The following COMP variants were observed in gnomAD, a reference collection of about 807,000 sequenced individuals.
The protein encoded by COMP is cartilage oligomeric matrix protein (pseudoachondroplasia, epiphyseal dysplasia 1, multiple).
COMP carries 79 observed loss-of-function variants against 95.8 expected under a neutral mutation model. That is an observed-to-expected ratio of 0.82 (90% CI 0.69 to 0.99). The LOEUF (loss-of-function observed/expected upper bound fraction) is 0.99. COMP is among the 50% of genes least tolerant of loss of function. COMP has a pLI of 0.00. For synonymous variants in COMP, 438 were observed against 433.9 expected, an observed-to-expected ratio of 1.01 and a Z score of -0.12; for missense variants, 906 against 1,076.1, an observed-to-expected ratio of 0.84 and a Z score of 2.21.
In COMP at chr19:18,789,092, T is replaced by A. The variant is rs540947791; in HGVS notation, c.528+68A>T. The A allele has an allele frequency of 3.2e-6, 5 of 1,561,732 alleles. No homozygotes were observed. The East Asian group carries it at 1.1e-4, about 36-fold the overall frequency. On this transcript the variant is annotated intron_variant, in intron 5 of 18. Transcript: ENST00000222271. This position sits in a 1 kb window ranked among gnomAD's most constrained non-coding sequence, Gnocchi z 6.1. ...CGCTGGAAGGAGGCTGGAAGAGGAG[T>A]TTACTGGTAAACAAAATGGACGCCC...
At chr19:18,783,215 G>T (rs1278324170) in intron 17 of COMP, 22 bp from the exon 18 acceptor site, 1 of 1,604,884 alleles carries the variant, frequency 6.2e-7, no homozygotes, top group Non-Finnish European at 8.5e-7. Flanking sequence ...ACATGGTGAG[G>T]CCTGGGGGAC....
At chr19:18,785,586 G>C in intron 14 of COMP, 40 bp from the exon 15 acceptor site, 1 of 1,613,936 alleles carries the variant, frequency 6.2e-7, no homozygotes, top group South Asian at 1.1e-5. Context: ...GGCTGGCCGT[G>C]ACAGCCCTAG....
At position 18,782,932 on chromosome 19, in the gene COMP, G is replaced by C; in HGVS notation, c.2257C>G (p.Gln753Glu). ...CCTGGTCCCTAGGCTTGCCGCAGCT[G>C]ATGGGTCTCATAGTCCTCTGGGATG... ...DTIPEDYETH[Q>E]LRQA is the part of the protein sequence containing the mutation. Residue 753 changes from glutamine to glutamate, a missense_variant, in exon 19 of 19, where the codon CAG becomes GAG. Gln to Glu is a conservative substitution (Grantham distance 29). Transcript: ENST00000222271. The C allele has an allele frequency of 3.7e-6, 6 of 1,612,414 alleles. No individual in the cohort carries two copies. The highest frequency in any genetic ancestry group is 5.1e-6 in the Non-Finnish European group (6 of 1,180,006).
At position 18,789,404 on chromosome 19, in the gene COMP, C is replaced by T; in HGVS notation, c.391-107G>A. The T allele has an allele frequency of 8.2e-7, 1 of 1,212,810 alleles. No homozygotes were observed. The highest frequency in any genetic ancestry group is 1.1e-6 in the Non-Finnish European group (1 of 902,046). 75.1% of individuals were successfully genotyped at this position (1,212,810 alleles called of 1,614,324 possible). ...AAAGTTCAAGGGCCATATGCCAGTG[C>T]TTGGAGCTCTGAGATGGAAGCAATT... On this transcript the variant is annotated intron_variant, in intron 4 of 18. Transcript: ENST00000222271. The surrounding 1 kb of genome is among the most constrained non-coding windows in gnomAD (Gnocchi z 6.1).
chr19:18,790,217 C>G (rs1013542095), intron 3 of COMP, 103 bp from the exon 4 acceptor site: 15 of 888,490 alleles, frequency 1.7e-5, no homozygotes, highest in South Asian at 1.4e-4. Context: ...CCCCTTCCCC[C>G]CCACCCCCCG....
rs147415441 is a variant in COMP, at chr19:18,790,626, G to T, written c.166-13C>A. The T allele has an allele frequency of 6.2e-7, 1 of 1,613,802 alleles. No homozygotes were observed. Among genetic ancestry groups the T allele is most frequent in the East Asian group, 2.2e-5 (1 of 44,846 alleles). On this transcript the variant is annotated splice_polypyrimidine_tract_variant and intron_variant, in intron 2 of 18. Coordinates refer to ENST00000222271, the MANE Select transcript of COMP (RefSeq NM_000095.3). ...TGATCTCCCTGACCTGCAGGGGTGG[G>T]ATGGAATCAGCGGGGTCCCAACCTC... is the stretch of plus-strand genomic sequence containing the variant.
Position 18,782,896 on chromosome 19 carries a change from C to A in COMP, c.*19G>T. ...CGCGGTGAGGGTGGCTGTCATCCGG[C>A]GGGTCCTCACCCTGGTCCCTAGGCT... On this transcript the variant is annotated 3_prime_UTR_variant, in exon 19 of 19. Coordinates refer to ENST00000222271, the MANE Select transcript of COMP (RefSeq NM_000095.3). 1 of 1,609,978 alleles carries A rather than the reference C, an allele frequency of 6.2e-7. No individual in the cohort carries two copies.
In COMP at chr19:18,789,159, C is replaced by A; in HGVS notation, c.528+1G>T. On this transcript the variant is annotated splice_donor_variant, in intron 5 of 18. Coordinates refer to ENST00000222271, the MANE Select transcript of COMP (RefSeq NM_000095.3). LOFTEE classifies it high-confidence loss of function. The surrounding 1 kb of genome is among the most constrained non-coding windows in gnomAD (Gnocchi z 6.1). ...AAAAATGGGGCCCCCACACCTCTCA[C>A]CTGCTTGTTGGCCTTGGCGAAAGCC... 5 of 1,584,524 alleles carry A rather than the reference C, an allele frequency of 3.2e-6. No individual in the cohort carries two copies. The highest frequency in any genetic ancestry group is 4.3e-6 in the Non-Finnish European group (5 of 1,169,012).
chr19:18,784,234 A>G lies in COMP; in HGVS notation c.2044T>C (p.Tyr682His). 1 of 1,614,080 alleles carries G rather than the reference A, an allele frequency of 6.2e-7. No individual in the cohort carries two copies. Among genetic ancestry groups the G allele is most frequent in the Non-Finnish European group, 8.5e-7 (1 of 1,180,026 alleles). The change falls in exon 17 of 19, where the codon TAT (tyrosine) becomes CAT (histidine). Residue 682 changes from tyrosine to histidine, a missense_variant. By Grantham distance (83) the Tyr-to-His change is moderately conservative. Coordinates refer to ENST00000222271, the MANE Select transcript of COMP (RefSeq NM_000095.3). The surrounding 1 kb of genome is among the most constrained non-coding windows in gnomAD (Gnocchi z 4.9). The part of the protein sequence containing the change: ...RNVGWKDKKS[Y>H]RWFLQHRPQV... ...GGCCGGTGCTGCAGGAACCAACGATAGGACTTCTTGTCCTTCCAACCCACG... is the reference window on the plus strand; with the variant it reads ...GGCCGGTGCTGCAGGAACCAACGATGGGACTTCTTGTCCTTCCAACCCACG...
At position 18,784,570 on chromosome 19, in the gene COMP, A is replaced by G. The variant is rs2055151665; in HGVS notation, c.1915-207T>C. 1.3e-5 allele frequency among the ~76,000 whole-genome samples: 2 copies of G among 151,932 alleles called. No individual in the cohort carries two copies. Among genetic ancestry groups the G allele is most frequent in the African/African-American group, 4.8e-5 (2 of 41,328 alleles). On this transcript the variant is annotated intron_variant, in intron 16 of 18. Transcript: ENST00000222271. The surrounding 1 kb of genome is among the most constrained non-coding windows in gnomAD (Gnocchi z 4.9). Reference sequence around the variant, plus strand: ...CAGCAGTGGTCTGCAGGTTCATGAGAGGATTTGGGAGTCCGTGGACAGATT... The same window carrying G: ...CAGCAGTGGTCTGCAGGTTCATGAGGGGATTTGGGAGTCCGTGGACAGATT...
chr19:18,784,088 CAGATGA>C lies in COMP; in HGVS notation c.2087+97_2087+102del. 7.7e-7 allele frequency: 1 copy of C among 1,300,830 alleles called. No individual in the cohort carries two copies. The highest frequency in any genetic ancestry group is 1.2e-5 in the South Asian group (1 of 83,992). The allele number at this position is 1,300,830 out of a possible 1,614,324, so 80.6% of individuals were successfully genotyped here. A position where few individuals can be genotyped will look rare whatever the true frequency, so the allele number is the denominator to read the frequency against. On this transcript the variant is annotated intron_variant, in intron 17 of 18. Transcript: ENST00000222271. This position sits in a 1 kb window ranked among gnomAD's most constrained non-coding sequence, Gnocchi z 4.9. ...ACTGCCCTGTATCTTTCCTATCGTACAGATGAGGGGACCAGGGTCACACAGCCCCTG... is the reference window on the plus strand; with the variant it reads ...ACTGCCCTGTATCTTTCCTATCGTACGGGGACCAGGGTCACACAGCCCCTG...
intron 17 of COMP, 32 bp from the exon 18 acceptor site, chr19:18,783,225 C>T (rs1216269531): frequency 6.2e-7 from 1 of 1,602,740 alleles, no homozygotes; most frequent in Admixed American, 1.7e-5. Context: ...GCCTGGGGGA[C>T]CTGGGCCAGA....
Position 18,782,779 on chromosome 19 carries a change from C to T in COMP, c.*136G>A. ...CAAAAACCACAGCCGCCACTCCCTG[C>T]ACACACACTTTATTTTGTCCTCTCT... is the stretch of plus-strand genomic sequence containing the variant. On this transcript the variant is annotated 3_prime_UTR_variant, in exon 19 of 19. Transcript: ENST00000222271. The T allele has an allele frequency of 9.8e-7, 1 of 1,015,628 alleles. No homozygotes were observed. Among genetic ancestry groups the T allele is most frequent in the Non-Finnish European group, 1.5e-6 (1 of 673,478 alleles). 62.9% of individuals were successfully genotyped at this position (1,015,628 alleles called of 1,614,324 possible). A position where few individuals can be genotyped will look rare whatever the true frequency, so the allele number is the denominator to read the frequency against.
rs775306610 is a variant in COMP, at chr19:18,786,012, C to T, written c.1442G>A (p.Arg481Gln). 3.8e-5 allele frequency: 61 copies of T among 1,613,466 alleles called. No homozygotes were observed. The highest frequency in any genetic ancestry group is 4.7e-5 in the Non-Finnish European group (56 of 1,180,002). ...GTTAGGCACCAGGCGGCAGTTGTCC[C>T]GACTGTCAGGGACTCCGTCATTGTC... ...DDDNDGVPDS[R>Q]DNCRLVPNPG... The change falls in exon 13 of 19, where the codon CGG becomes CAG. Residue 481 changes from arginine (R) to glutamine (Q), a missense_variant. Physicochemically the swap from Arg to Gln is conservative, Grantham distance 43. Transcript: ENST00000222271.
In COMP at chr19:18,790,178, T is replaced by A; in HGVS notation, c.218-64A>T. The A allele has an allele frequency of 3.1e-6, 4 of 1,272,094 alleles. No individual in the cohort carries two copies. In the South Asian group the frequency reaches 5.8e-5, roughly 18 times the overall value. The allele number at this position is 1,272,094 out of a possible 1,614,324, so 78.8% of individuals were successfully genotyped here. A position where few individuals can be genotyped will look rare whatever the true frequency, so the allele number is the denominator to read the frequency against. On this transcript the variant is annotated intron_variant, in intron 3 of 18. Transcript: ENST00000222271. ...GTGGCTCGCCCGGGGGCAGAGCCTA[T>A]CATGGCCACGCCCCGGGGCTGGAGG...
Position 18,791,286 on chromosome 19 carries a change from T to G in COMP, c.-17A>C. On this transcript the variant is annotated 5_prime_UTR_variant, in exon 1 of 19. Transcript: ENST00000222271. ...GGGGACCATGGCGGTGGCGGGGAGC[T>G]GGGTGGCTGCTCGCTTTCTACCGCC... is the stretch of plus-strand genomic sequence containing the variant. The G allele has an allele frequency of 5.1e-6, 8 of 1,582,190 alleles. No homozygotes were observed. Among genetic ancestry groups the G allele is most frequent in the Non-Finnish European group, 6.9e-6 (8 of 1,166,810 alleles).
intron 1 of COMP, 27 bp from the exon 2 acceptor site, chr19:18,790,962 C>A (rs1479768120): frequency 6.5e-7 from 1 of 1,548,732 alleles, no homozygotes; most frequent in East Asian, 2.4e-5. Flanking sequence ...CCTGGTGAGG[C>A]GTCATGGGGC....
In COMP at chr19:18,784,803, G is replaced by T; in HGVS notation, c.1914+93C>A. 7.1e-7 allele frequency: 1 copy of T among 1,416,268 alleles called. No homozygotes were observed. Among genetic ancestry groups the T allele is most frequent in the Non-Finnish European group, 9.9e-7 (1 of 1,014,548 alleles). The allele number at this position is 1,416,268 out of a possible 1,614,324, so 87.7% of individuals were successfully genotyped here. A position where few individuals can be genotyped will look rare whatever the true frequency, so the allele number is the denominator to read the frequency against. ...TTGAGGTCCATAGTATGAGGCTAGG[G>T]GGCTGGGGGGCTCTAAGGGCTGTAA... On this transcript the variant is annotated intron_variant, in intron 16 of 18. Transcript: ENST00000222271. The surrounding 1 kb of genome is among the most constrained non-coding windows in gnomAD (Gnocchi z 4.9).
In COMP at chr19:18,790,107, C is replaced by T. The variant is rs773271062; in HGVS notation, c.225G>A (p.Gln75=). The T allele has an allele frequency of 2.0e-6, 3 of 1,531,970 alleles. No individual in the cohort carries two copies. The highest frequency in any genetic ancestry group is 2.6e-6 in the Non-Finnish European group (3 of 1,141,842). The allele number at this position is 1,531,970 out of a possible 1,614,324, so 94.9% of individuals were successfully genotyped here. The stretch of plus-strand genomic sequence containing the variant: ...TGGGTAGGCCGGTGCGTACTGACTG[C>T]TGCATCCCTGCGGGGGGGAGGGGGG... ...TVMECDACGM[Q]QSVRTGLPSV... is the part of the protein sequence containing the mutation. Residue 75 remains glutamine (Q), a synonymous_variant, in exon 4 of 19, where the codon CAG becomes CAA. Coordinates refer to ENST00000222271, the MANE Select transcript of COMP (RefSeq NM_000095.3).
Sources: gnomAD v4.1 joint callset for allele counts (sites outside exome capture counted in the v4.1 genomes callset) on GRCh38, gnomAD v4.1.1 for gene constraint, Gnocchi (gnomAD v3.1) non-coding constraint, MANE v1.5 for transcripts, NCBI Gene and HGNC (gene_info 2026-07-23, HGNC 2026-07-21) for gene names.